Variants in FERMT2 observed in about 807,000 individuals in gnomAD.
FERMT2 encodes FERM domain containing kindlin 2.
Under a neutral mutation model 82.7 loss-of-function variants are expected in FERMT2, and 15 were observed. The observed-to-expected ratio is 0.18, with a 90% CI of 0.12 to 0.28. The LOEUF (loss-of-function observed/expected upper bound fraction) is 0.28. Among genes scored for constraint, FERMT2 ranks in the 10% least tolerant of loss-of-function variants. The pLI, the probability that FERMT2 is intolerant of heterozygous loss-of-function variation, is 1.00. For synonymous variants in FERMT2, 274 were observed against 271.5 expected (o/e 1.01, Z -0.09); for missense variants, 645 against 809.4 (o/e 0.80, Z 2.46).
At chr14:52,861,659 C>T (rs1255511972) in intron 12 of FERMT2, 2 of 152,518 alleles carry the variant, frequency 1.3e-5, no homozygotes, top group African/African-American at 4.8e-5. Context: ...GGAATTTCGG[C>T]TTTATGGCAT....
At chr14:52,885,339 A>AAAAAAAC in intron 4 of FERMT2, among the ~76,000 whole-genome samples, 1 of 150,540 alleles carries the variant, frequency 6.6e-6, no homozygotes, top group Non-Finnish European at 1.5e-5. Context: ...AAAAAAAAAA[A>AAAAAAAC]TCTGTTACTA....
chr14:52,914,494 A>G (rs1888509926), intron 3 of FERMT2, among the ~76,000 whole-genome samples: 1 of 152,246 alleles, frequency 6.6e-6, no homozygotes, highest in African/African-American at 2.4e-5. Context: ...AACAGTCATC[A>G]TTACCGCTAT....
intron 3 of FERMT2, among the ~76,000 whole-genome samples, chr14:52,899,113 A>C (rs955306635): frequency 5.3e-5 from 8 of 152,118 alleles, no homozygotes; most frequent in African/African-American, 9.7e-5. Context: ...GTCTGTCTTA[A>C]GTAGATAAAG....
intron 2 of FERMT2, among the ~76,000 whole-genome samples, chr14:52,937,855 A>C (rs1339475679): frequency 6.6e-6 from 1 of 152,228 alleles, no homozygotes; most frequent in Non-Finnish European, 1.5e-5. Flanking sequence ...TAAGGAATTT[A>C]CTGCCCAAAC....
At chr14:52,940,057 T>C (rs1479609768) in intron 2 of FERMT2, among the ~76,000 whole-genome samples, 1 of 152,212 alleles carries the variant, frequency 6.6e-6, no homozygotes. Context: ...TATTTTTTAG[T>C]TACAACATGA....
At chr14:52,914,294 C>T (rs1417843832) in intron 3 of FERMT2, among the ~76,000 whole-genome samples, 2 of 151,864 alleles carry the variant, frequency 1.3e-5, no homozygotes, top group South Asian at 2.1e-4. Context: ...TATTTGAGCC[C>T]AGGAGGTCAA....
intron 10 of FERMT2, among the ~76,000 whole-genome samples, chr14:52,870,248 CTT>C (rs1185198814): frequency 4.1e-4 from 57 of 138,686 alleles, no homozygotes; most frequent in African/African-American, 2.6e-4. Flanking sequence ...TACAAGTGTA[CTT>C]TTTTTTTTTT....
chr14:52,947,420 A>T lies in FERMT2; in HGVS notation c.157+2992T>A, dbSNP rs113653532. Among the ~76,000 whole-genome samples, 855 of 152,322 alleles carry T rather than the reference A, an allele frequency of 5.6e-3. 6 individuals are homozygous for T. Among genetic ancestry groups the T allele is most frequent in the African/African-American group, 0.02 (837 of 41,572 alleles). On this transcript the variant is annotated intron_variant, in intron 2 of 14. Coordinates refer to ENST00000341590, the MANE Select transcript of FERMT2 (RefSeq NM_006832.3). The stretch of plus-strand genomic sequence containing the variant: ...CGTGAACCCAGGAGGCGGAGCTTGC[A>T]GTGAGCCGGGATCGCGCTACTGCAC...
rs556110540 is a variant in FERMT2 at position 52,926,669 on chromosome 14, A to G, written c.158-7313T>C. Among the ~76,000 whole-genome samples, 233 of 152,266 alleles carry G rather than the reference A, an allele frequency of 1.5e-3. 1 individual carries two copies. In the Middle Eastern group the frequency reaches 0.02, roughly 13 times the overall value. On this transcript the variant is annotated intron_variant, in intron 2 of 14. Coordinates refer to ENST00000341590, the MANE Select transcript of FERMT2 (RefSeq NM_006832.3). ...ATTTTGATGTTAAACTTTCAGAAGT[A>G]ACCCATCACAAATACAAGCTTTCTC... is the stretch of plus-strand genomic sequence containing the variant.
At position 52,859,857 on chromosome 14, in the gene FERMT2, G is replaced by A. The variant is rs1017673428; in HGVS notation, c.1728-143C>T. 138 of 445,448 alleles carry A rather than the reference G, an allele frequency of 3.1e-4. 1 individual carries two copies. Among genetic ancestry groups the A allele is most frequent in the East Asian group, 2.4e-3 (63 of 26,544 alleles). The allele number at this position is 445,448 out of a possible 1,614,324, so 27.6% of individuals were successfully genotyped here. On this transcript the variant is annotated intron_variant, in intron 13 of 14. Transcript: ENST00000341590. ...TTTTGAGACGGAGTCTTGCTCTGTT[G>A]CCCAGGCTGGAGTGCAGTGGCGCGA...
intron 3 of FERMT2, among the ~76,000 whole-genome samples, chr14:52,894,887 A>T (rs201080386): frequency 3.5e-3 from 2 of 574 alleles, no homozygotes; most frequent in African/African-American, 3.5e-3. Context: ...ATTTAAAAAT[A>T]AAAAAAAAAA....
chr14:52,881,570 G>C, intron 4 of FERMT2, 101 bp from the exon 5 acceptor site: 2 of 988,752 alleles, frequency 2.0e-6, no homozygotes, highest in South Asian at 3.4e-5. Flanking sequence ...TGAAACAAAA[G>C]TTTTATTCTG....
chr14:52,902,563 T>G (rs1393765229), intron 3 of FERMT2, among the ~76,000 whole-genome samples: 2 of 150,528 alleles, frequency 1.3e-5, no homozygotes, highest in Non-Finnish European at 1.5e-5. Context: ...AACATCCAGA[T>G]AGAAATATAA....
At chr14:52,950,643 AT>A (rs2139726809) in intron 1 of FERMT2, 66 bp from the exon 2 acceptor site, 1 of 1,517,118 alleles carries the variant, frequency 6.6e-7, no homozygotes, top group Non-Finnish European at 9.0e-7. Flanking sequence ...ATCCCACCGA[AT>A]TCGCAGCGCC....
intron 2 of FERMT2, among the ~76,000 whole-genome samples, chr14:52,923,415 GAAAGA>G (rs151181101): frequency 4.6e-5 from 7 of 151,986 alleles, no homozygotes; most frequent in Non-Finnish European, 8.8e-5. Flanking sequence ...TAAGAAAAAA[GAAAGA>G]AAAGAAAAGA....
chr14:52,942,598 G>A (rs755076769), intron 2 of FERMT2, among the ~76,000 whole-genome samples: 18 of 151,876 alleles, frequency 1.2e-4, no homozygotes, highest in Admixed American at 2.0e-4. Context: ...CACCCCGCCC[G>A]CCCCAAGAAA....
At chr14:52,946,360 T>TAAA (rs527900617) in intron 2 of FERMT2, among the ~76,000 whole-genome samples, 1,708 of 143,660 alleles carry the variant, frequency 0.012, 50 homozygotes, top group East Asian at 0.075. Context: ...TGTCTTTGAT[T>TAAA]AAAAAAAAAA....
At chr14:52,874,359 A>C (rs1310195915) in intron 8 of FERMT2, 133 bp from the exon 9 acceptor site, 1 of 524,244 alleles carries the variant, frequency 1.9e-6, no homozygotes, top group Non-Finnish European at 3.3e-6. Flanking sequence ...GATTTAAACA[A>C]CAAAATCACA....
At chr14:52,916,375 GAAAT>G (rs1888614001) in intron 3 of FERMT2, among the ~76,000 whole-genome samples, 1 of 146,954 alleles carries the variant, frequency 6.8e-6, no homozygotes, top group South Asian at 2.1e-4. Context: ...AAAAAAAAAA[GAAAT>G]AAGCTATCAA....
Sources: allele counts gnomAD v4.1 joint callset (sites outside exome capture counted in the v4.1 genomes callset), GRCh38; gene constraint gnomAD v4.1.1; transcripts MANE v1.5; gene names NCBI Gene and HGNC (gene_info 2026-07-23, HGNC 2026-07-21).